Variants in ADGRG6 observed in about 807,000 individuals in gnomAD.
ADGRG6 encodes adhesion G protein-coupled receptor G6, also known as G-protein coupled receptor 126.
Under a neutral mutation model 142.4 loss-of-function variants are expected in ADGRG6, and 84 were observed. The ratio of observed to expected loss-of-function variants is 0.59; its 90% CI spans 0.49 to 0.71. The LOEUF is 0.71. Among genes scored for constraint, ADGRG6 ranks in the 30% least tolerant of loss-of-function variants. ADGRG6 has a pLI of 0.00. For missense variants in ADGRG6, 1,367 were observed against 1,466.6 expected (o/e 0.93, Z 1.11); for synonymous variants, 521 against 520.5 (o/e 1.00, Z -0.01).
At chr6:142,414,680 G>A (rs1335391178) in intron 18 of ADGRG6, among the ~76,000 whole-genome samples, 2 of 152,198 alleles carry the variant, frequency 1.3e-5, no homozygotes, top group Non-Finnish European at 2.9e-5. Context: ...TCTGTTGAGA[G>A]TCCTGGTGGT....
chr6:142,428,863 A>G (rs1193380087), intron 22 of ADGRG6, among the ~76,000 whole-genome samples: 1 of 152,188 alleles, frequency 6.6e-6, no homozygotes, highest in Non-Finnish European at 1.5e-5. Flanking sequence ...TACTTAATTT[A>G]AGTTACAGAG....
intron 4 of ADGRG6, among the ~76,000 whole-genome samples, chr6:142,372,768 T>C (rs569807400): frequency 7.9e-5 from 12 of 152,240 alleles, no homozygotes; most frequent in African/African-American, 2.4e-4. Flanking sequence ...TGTGGGACAG[T>C]GAAGAATAAG....
intron 2 of ADGRG6, among the ~76,000 whole-genome samples, chr6:142,341,476 A>G (rs1779627721): frequency 8.4e-6 from 1 of 119,360 alleles, no homozygotes; most frequent in South Asian, 2.2e-4. Flanking sequence ...AATATTATGT[A>G]GTATATATAC....
intron 14 of ADGRG6, chr6:142,405,406 T>C (rs1272206011): frequency 3.8e-6 from 2 of 521,156 alleles, no homozygotes; most frequent in Non-Finnish European, 7.4e-6. Flanking sequence ...ATCTAATTCT[T>C]ATACTTGAAA....
chr6:142,413,431 T>C (rs1313109531), intron 18 of ADGRG6, among the ~76,000 whole-genome samples: 1 of 152,198 alleles, frequency 6.6e-6, no homozygotes, highest in Non-Finnish European at 1.5e-5. Flanking sequence ...TCATATTGGC[T>C]ATATCATAAA....
chr6:142,347,866 GAATA>G (rs1424327488), intron 2 of ADGRG6, among the ~76,000 whole-genome samples: 1 of 152,106 alleles, frequency 6.6e-6, no homozygotes, highest in African/African-American at 2.4e-5. Context: ...GTTTCTATTT[GAATA>G]AAGTAGCTAA....
intron 22 of ADGRG6, among the ~76,000 whole-genome samples, chr6:142,425,359 C>G (rs1019038720): frequency 1.3e-5 from 2 of 152,108 alleles, no homozygotes; most frequent in Non-Finnish European, 2.9e-5. Context: ...GAGATGTGCA[C>G]AGAACCAAGG....
intron 24 of ADGRG6, among the ~76,000 whole-genome samples, chr6:142,438,934 G>A (rs1257260070): frequency 6.6e-6 from 1 of 152,086 alleles, no homozygotes; most frequent in Non-Finnish European, 1.5e-5. Context: ...ATTTACAATT[G>A]CTGCACATTC....
rs1432451403 is a variant in ADGRG6 at position 142,370,738 on chromosome 6, T to G, written c.1014T>G (p.Asn338Lys). 3 of 1,613,534 alleles carry G rather than the reference T, an allele frequency of 1.9e-6. No individual in the cohort carries two copies. In the South Asian group the frequency reaches 3.3e-5, roughly 18 times the overall value. Reference sequence around the variant, plus strand: ...AAGGGAATGTAGTCGACTGGCAAAATGACTTCTGGAATATCCCAAACCTAG... The same window carrying G: ...AAGGGAATGTAGTCGACTGGCAAAAGGACTTCTGGAATATCCCAAACCTAG... ...NVKGNVVDWQNDFWNIPNLAL... is the reference protein window; with the variant it reads ...NVKGNVVDWQKDFWNIPNLAL... The change falls in exon 4 of 25, where the codon AAT becomes AAG. Residue 338 changes from asparagine to lysine, a missense_variant. Asn to Lys is a moderately conservative substitution (Grantham distance 94, BLOSUM62 0). Transcript: ENST00000367609.
intron 2 of ADGRG6, among the ~76,000 whole-genome samples, chr6:142,335,307 A>G (rs1779258935): frequency 6.6e-6 from 1 of 152,200 alleles, no homozygotes; most frequent in Non-Finnish European, 1.5e-5. Flanking sequence ...TTACACAATT[A>G]TTGATCTTGG....
chr6:142,389,454 A>G (rs1242995218), intron 6 of ADGRG6, among the ~76,000 whole-genome samples: 1 of 151,914 alleles, frequency 6.6e-6, no homozygotes, highest in Non-Finnish European at 1.5e-5. Context: ...TTTTCTTACT[A>G]GCTACTTTGA....
At chr6:142,395,217 C>A (rs1222409036) in intron 9 of ADGRG6, among the ~76,000 whole-genome samples, 1 of 152,018 alleles carries the variant, frequency 6.6e-6, no homozygotes. Flanking sequence ...ATAATTTTTT[C>A]TTTATGATAT....
At chr6:142,417,579 A>G (rs1447584387) in intron 21 of ADGRG6, among the ~76,000 whole-genome samples, 1 of 152,194 alleles carries the variant, frequency 6.6e-6, no homozygotes, top group Non-Finnish European at 1.5e-5. Context: ...ACTCTGTCAT[A>G]TGGAGGAATT....
intron 14 of ADGRG6, chr6:142,405,207 C>A (rs778661854): frequency 1.4e-4 from 51 of 369,508 alleles, no homozygotes; most frequent in Non-Finnish European, 2.4e-4. Context: ...TGCAGGAAAG[C>A]ATTCTTTGTC....
intron 10 of ADGRG6, among the ~76,000 whole-genome samples, chr6:142,399,373 C>A (rs1274780584): frequency 6.6e-6 from 1 of 152,118 alleles, no homozygotes; most frequent in Non-Finnish European, 1.5e-5. Context: ...TGGTAATAAA[C>A]CATTTCTGAG....
At position 142,402,076 on chromosome 6, in the gene ADGRG6, C is replaced by T. The variant is rs1328249906; in HGVS notation, c.1744+18C>T. 3.0e-6 allele frequency: 4 copies of T among 1,336,338 alleles called. No individual in the cohort carries two copies. Among genetic ancestry groups the T allele is most frequent in the African/African-American group, 2.9e-5 (2 of 69,228 alleles). The allele number at this position is 1,336,338 out of a possible 1,614,324, so 82.8% of individuals were successfully genotyped here. A position where few individuals can be genotyped will look rare whatever the true frequency, so the allele number is the denominator to read the frequency against. ...CTGTTTAAGTAAGTGAGCAGTTTTCCTTTATTTCTCAAGGACAAAATGACA... is the reference window on the plus strand; with the variant it reads ...CTGTTTAAGTAAGTGAGCAGTTTTCTTTTATTTCTCAAGGACAAAATGACA... On this transcript the variant is annotated intron_variant, in intron 12 of 24. Coordinates refer to ENST00000367609, the MANE Select transcript of ADGRG6 (RefSeq NM_198569.3).
chr6:142,358,295 C>T (rs1395772412), intron 2 of ADGRG6, among the ~76,000 whole-genome samples: 3 of 152,112 alleles, frequency 2.0e-5, no homozygotes, highest in Non-Finnish European at 4.4e-5. Context: ...TTTCCTGAGT[C>T]TTTCTTTAGG....
In ADGRG6 at chr6:142,380,065, T is replaced by G. The variant is rs188294773; in HGVS notation, c.1070-1886T>G. Among the ~76,000 whole-genome samples, 601 of 152,148 alleles carry G rather than the reference T, an allele frequency of 4.0e-3. 3 individuals carry two copies. Among genetic ancestry groups the G allele is most frequent in the African/African-American group, 0.014 (571 of 41,522 alleles). On this transcript the variant is annotated intron_variant, in intron 4 of 24. Coordinates refer to ENST00000367609, the MANE Select transcript of ADGRG6 (RefSeq NM_198569.3). Reference sequence around the variant, plus strand: ...TTCCAGGTCATAGGTAGATTTAAAATTTTTCTGATTGACAATTGATTGAAA... The same window carrying G: ...TTCCAGGTCATAGGTAGATTTAAAAGTTTTCTGATTGACAATTGATTGAAA...
At chr6:142,347,907 AT>A in intron 2 of ADGRG6, among the ~76,000 whole-genome samples, 1 of 152,242 alleles carries the variant, frequency 6.6e-6, no homozygotes, top group Non-Finnish European at 1.5e-5. Flanking sequence ...TATGTTGGTT[AT>A]TTTTTATATT....
Sources: allele counts gnomAD v4.1 joint callset (sites outside exome capture counted in the v4.1 genomes callset), GRCh38; gene constraint gnomAD v4.1.1; transcripts MANE v1.5; gene names NCBI Gene and HGNC (gene_info 2026-07-23, HGNC 2026-07-21).